ALG5: variants seen among roughly 807,000 people sequenced by gnomAD.
The protein encoded by ALG5 is ALG5 dolichyl-phosphate beta-glucosyltransferase.
Under a neutral mutation model 51.8 loss-of-function variants are expected in ALG5, and 26 were observed. The observed-to-expected ratio is 0.50, with a 90% CI of 0.37 to 0.70. The LOEUF is 0.70. Ranked by LOEUF, ALG5 falls within the 30% of genes least tolerant of loss-of-function variation. The pLI is 0.00. For missense variants in ALG5, 311 were observed against 399.3 expected (o/e 0.78, Z 1.88); for synonymous variants, 141 against 136.1 (o/e 1.04, Z -0.25).
At chr13:36,995,948 G>C (rs965378819) in intron 1 of ALG5, among the ~76,000 whole-genome samples, 1 of 152,090 alleles carries the variant, frequency 6.6e-6, no homozygotes, top group Non-Finnish European at 1.5e-5. Flanking sequence ...TCCTTAGCGT[G>C]TCTACATGCA....
chr13:36,974,913 C>A (rs111530609), intron 6 of ALG5, among the ~76,000 whole-genome samples: 1 of 152,140 alleles, frequency 6.6e-6, no homozygotes, highest in Non-Finnish European at 1.5e-5. Flanking sequence ...AATGAATGGC[C>A]AAATAAAATC....
rs869027711 is a variant in ALG5 at position 36,977,790 on chromosome 13, C to CAAAAAAAAAAAAAAAAAAAAAAAAAAAA, written c.562-5755_562-5754insTTTTTTTTTTTTTTTTTTTTTTTTTTTT. On this transcript the variant is annotated intron_variant, in intron 6 of 9. Coordinates refer to ENST00000239891, the MANE Select transcript of ALG5 (RefSeq NM_013338.5). ...CTGGGCGACAGAGTGAGACTGTCTC[C>CAAAAAAAAAAAAAAAAAAAAAAAAAAAA]AAAAAAAAAAAAAAAAAAAAAAAAC... Among the ~76,000 whole-genome samples the CAAAAAAAAAAAAAAAAAAAAAAAAAAAA allele has an allele frequency of 7.7e-5, 3 of 39,170 alleles. 1 individual carries two copies. The highest frequency in any genetic ancestry group is 4.0e-4 in the African/African-American group (3 of 7,418). 25.7% of individuals were successfully genotyped at this position (39,170 alleles called of 152,430 possible).
chr13:36,989,285 T>C (rs1268497669), intron 5 of ALG5, among the ~76,000 whole-genome samples, 199 bp downstream of exon 5: 1 of 152,162 alleles, frequency 6.6e-6, no homozygotes, highest in Admixed American at 6.5e-5. Flanking sequence ...AATACATAAA[T>C]CTATTTTTAA....
intron 6 of ALG5, 47 bp downstream of exon 6, chr13:36,985,580 C>A: frequency 6.9e-7 from 1 of 1,457,854 alleles, no homozygotes; most frequent in Non-Finnish European, 9.5e-7. Flanking sequence ...CTTTAGCTCT[C>A]CTGCATTCTT....
chr13:36,952,362 T>C lies in ALG5; in HGVS notation c.859+152A>G, dbSNP rs569264465. ...CAGCAAGCCAGATGGAAGGTATTAG[T>C]AGGTACTATTCTCCTTGGAACTGGA... On this transcript the variant is annotated intron_variant, in intron 9 of 9. Transcript: ENST00000239891. 7.2e-5 allele frequency: 43 copies of C among 593,164 alleles called. No individual in the cohort carries two copies. In the South Asian group the frequency reaches 9.2e-4, roughly 13 times the overall value. 36.7% of individuals were successfully genotyped at this position (593,164 alleles called of 1,614,324 possible).
rs2058903156 is a variant in ALG5, at chr13:36,968,003, G to C, written c.622-2277C>G. 5 of 227,578 alleles carry C rather than the reference G, an allele frequency of 2.2e-5. No individual in the cohort carries two copies. In the South Asian group the frequency reaches 3.1e-4, roughly 14 times the overall value. The allele number at this position is 227,578 out of a possible 1,614,324, so 14.1% of individuals were successfully genotyped here. ...GATTTTTGTTTGCTTTAGGATAATGGCTATTTTTTAAAAAGCAGAAAAATG... is the reference window on the plus strand; with the variant it reads ...GATTTTTGTTTGCTTTAGGATAATGCCTATTTTTTAAAAAGCAGAAAAATG... On this transcript the variant is annotated intron_variant, in intron 7 of 9. Coordinates refer to ENST00000239891, the MANE Select transcript of ALG5 (RefSeq NM_013338.5).
intron 4 of ALG5, among the ~76,000 whole-genome samples, chr13:36,992,219 G>GT (rs1470859509): frequency 6.7e-6 from 1 of 150,232 alleles, no homozygotes; most frequent in Non-Finnish European, 1.5e-5. Flanking sequence ...CATATTTCCA[G>GT]TATTATTAAT....
At chr13:36,997,584 C>G (rs1005607856) in intron 1 of ALG5, among the ~76,000 whole-genome samples, 1 of 151,988 alleles carries the variant, frequency 6.6e-6, no homozygotes, top group African/African-American at 2.4e-5. Flanking sequence ...TGTTTGGATC[C>G]TGATTGGAAC....
intron 8 of ALG5, among the ~76,000 whole-genome samples, chr13:36,958,193 A>T: frequency 6.6e-6 from 1 of 151,252 alleles, no homozygotes; most frequent in South Asian, 2.1e-4. Context: ...TTTCACTCTC[A>T]CCGCACCCCC....
rs1265256064 is a variant in ALG5 at position 36,971,538 on chromosome 13, T to C, written c.621+439A>G. Among the ~76,000 whole-genome samples, 2 of 149,674 alleles carry C rather than the reference T, an allele frequency of 1.3e-5. 1 individual carries two copies. Among genetic ancestry groups the C allele is most frequent in the South Asian group, 4.2e-4 (2 of 4,770 alleles). ...GGTGTGCGCCTGTAGTCCCAGCTAC[T>C]TGTGAGGCTGAGGCAGGAGAACTGC... is the stretch of plus-strand genomic sequence containing the variant. On this transcript the variant is annotated intron_variant, in intron 7 of 9. Transcript: ENST00000239891.
intron 7 of ALG5, among the ~76,000 whole-genome samples, chr13:36,968,531 T>C (rs558516580): frequency 2.2e-3 from 336 of 152,204 alleles, no homozygotes; most frequent in African/African-American, 7.3e-3. Flanking sequence ...ACAGAACACA[T>C]GGGAATGTAA....
intron 5 of ALG5, among the ~76,000 whole-genome samples, chr13:36,986,283 AATGTT>A (rs1277416970): frequency 1.3e-5 from 2 of 152,206 alleles, no homozygotes; most frequent in Admixed American, 6.5e-5. Context: ...CATAAATCCA[AATGTT>A]ATGTTATGCC....
intron 7 of ALG5, among the ~76,000 whole-genome samples, chr13:36,966,968 A>T (rs907267893): frequency 1.3e-5 from 2 of 152,082 alleles, no homozygotes; most frequent in Admixed American, 6.6e-5. Context: ...CACACCTGTA[A>T]TCCCAGCACT....
At chr13:36,994,919 T>TG (rs2059042069) in intron 3 of ALG5, 70 bp downstream of exon 3, 1 of 1,372,140 alleles carries the variant, frequency 7.3e-7, no homozygotes, top group African/African-American at 1.4e-5. Flanking sequence ...GCATCTGGCT[T>TG]GGGGTCCACA....
chr13:36,973,211 T>C (rs1377593796), intron 6 of ALG5, among the ~76,000 whole-genome samples: 1 of 151,564 alleles, frequency 6.6e-6, no homozygotes, highest in Admixed American at 6.6e-5. Context: ...GGATGACTCA[T>C]CACAAAAATT....
At chr13:36,965,874 CAA>C (rs564304114) in intron 7 of ALG5, 148 bp from the exon 8 acceptor site, 1 of 654,230 alleles carries the variant, frequency 1.5e-6, no homozygotes, top group Non-Finnish European at 2.5e-6. Flanking sequence ...GCTTCACCAA[CAA>C]AGTATATTAA....
chr13:36,971,047 AT>A (rs2138798924), intron 7 of ALG5, among the ~76,000 whole-genome samples: 1 of 152,246 alleles, frequency 6.6e-6, no homozygotes, highest in East Asian at 1.9e-4. Flanking sequence ...CTTCCGAATC[AT>A]TGGGGGAAAG....
intron 6 of ALG5, among the ~76,000 whole-genome samples, chr13:36,985,284 C>T (rs530421472): frequency 6.6e-6 from 1 of 152,102 alleles, no homozygotes; most frequent in Non-Finnish European, 1.5e-5. Flanking sequence ...ATTCTGTGAT[C>T]CAGCTTCATT....
chr13:36,984,089 T>A (rs1167808653), intron 6 of ALG5, among the ~76,000 whole-genome samples: 2 of 151,932 alleles, frequency 1.3e-5, no homozygotes, highest in Non-Finnish European at 2.9e-5. Context: ...ATTTGTTTCC[T>A]TAGTTCTGTA....
Sources: allele counts gnomAD v4.1 joint callset (sites outside exome capture counted in the v4.1 genomes callset), GRCh38; gene constraint gnomAD v4.1.1; transcripts MANE v1.5; gene names NCBI Gene and HGNC (gene_info 2026-07-23, HGNC 2026-07-21).